Variants in GUCY1A2 observed in about 807,000 individuals in gnomAD.
The protein encoded by GUCY1A2 is guanylate cyclase soluble subunit alpha-2.
Under a neutral mutation model 63.5 loss-of-function variants are expected in GUCY1A2, and 27 were observed. The observed-to-expected ratio is 0.43, with a 90% CI of 0.31 to 0.59. The LOEUF is 0.59. Ranked by LOEUF, GUCY1A2 falls within the 20% of genes least tolerant of loss-of-function variation. GUCY1A2 has a pLI of 0.11. For synonymous variants in GUCY1A2, 364 were observed against 343.5 expected (o/e 1.06, Z -0.66); for missense variants, 768 against 913.3 (o/e 0.84, Z 2.05).
intron 4 of GUCY1A2, among the ~76,000 whole-genome samples, chr11:106,825,544 G>GT (rs1858958159): frequency 6.6e-6 from 1 of 150,664 alleles, no homozygotes; most frequent in Non-Finnish European, 1.5e-5. Flanking sequence ...ATTGTCTTAA[G>GT]TTTTTTATGC....
chr11:106,762,387 C>G (rs1864080950), intron 6 of GUCY1A2, among the ~76,000 whole-genome samples: 1 of 152,078 alleles, frequency 6.6e-6, no homozygotes, highest in African/African-American at 2.4e-5. Context: ...CTACTTTCTC[C>G]TACCAGTTGG....
At chr11:106,804,355 A>G (rs1447168976) in intron 5 of GUCY1A2, among the ~76,000 whole-genome samples, 3 of 152,214 alleles carry the variant, frequency 2.0e-5, no homozygotes, top group Non-Finnish European at 2.9e-5. Flanking sequence ...AAGAGAAAAT[A>G]TGTAAATCTT....
chr11:106,782,398 TTCTC>T (rs1383278953), intron 5 of GUCY1A2, among the ~76,000 whole-genome samples: 1 of 152,208 alleles, frequency 6.6e-6, no homozygotes, highest in Non-Finnish European at 1.5e-5. Context: ...ATGCTTTCTT[TTCTC>T]TCTTAGTATC....
intron 2 of GUCY1A2, among the ~76,000 whole-genome samples, chr11:106,985,274 T>C (rs1046916677): frequency 6.6e-6 from 1 of 152,230 alleles, no homozygotes; most frequent in African/African-American, 2.4e-5. Context: ...AATTAAAATA[T>C]ATACATTGCC....
chr11:106,833,652 C>T (rs182426222), intron 4 of GUCY1A2, among the ~76,000 whole-genome samples: 2 of 152,180 alleles, frequency 1.3e-5, no homozygotes, highest in Admixed American at 1.3e-4. Flanking sequence ...CCATGTGGAA[C>T]AGTACACGCC....
intron 6 of GUCY1A2, among the ~76,000 whole-genome samples, chr11:106,748,467 G>A (rs1433642696): frequency 6.6e-6 from 1 of 152,122 alleles, no homozygotes; most frequent in Non-Finnish European, 1.5e-5. Flanking sequence ...CAGCAGCTGA[G>A]GTAAAAGAAG....
At chr11:106,699,289 T>C (rs1483500233) in intron 7 of GUCY1A2, among the ~76,000 whole-genome samples, 1 of 152,092 alleles carries the variant, frequency 6.6e-6, no homozygotes, top group Non-Finnish European at 1.5e-5. Context: ...GAAAGGAAAA[T>C]GTAAGGAGTG....
chr11:106,906,067 G>A (rs987545042), intron 4 of GUCY1A2, among the ~76,000 whole-genome samples: 4 of 152,002 alleles, frequency 2.6e-5, no homozygotes, highest in Admixed American at 6.6e-5. Context: ...CAAAAGCAAT[G>A]GCAACAAAAG....
chr11:106,838,634 A>C (rs1859149596), intron 4 of GUCY1A2, among the ~76,000 whole-genome samples: 1 of 151,840 alleles, frequency 6.6e-6, no homozygotes. Flanking sequence ...TACTATATAC[A>C]AATTTTCTGG....
At chr11:106,933,230 A>T (rs1184388141) in intron 4 of GUCY1A2, among the ~76,000 whole-genome samples, 1 of 152,238 alleles carries the variant, frequency 6.6e-6, no homozygotes, top group Non-Finnish European at 1.5e-5. Flanking sequence ...TCTAATAACC[A>T]AAATCTATAA....
chr11:106,998,616 C>G (rs1861571551), intron 1 of GUCY1A2, among the ~76,000 whole-genome samples: 1 of 152,100 alleles, frequency 6.6e-6, no homozygotes, highest in Non-Finnish European at 1.5e-5. Flanking sequence ...ACTGGAATTT[C>G]CAAGGCAAAC....
chr11:106,980,693 C>T (rs1239844380), intron 2 of GUCY1A2, among the ~76,000 whole-genome samples: 2 of 152,100 alleles, frequency 1.3e-5, no homozygotes, highest in Non-Finnish European at 2.9e-5. Context: ...AAGCTAATAT[C>T]GAAGGGGATG....
chr11:106,852,142 T>C (rs1859364519), intron 4 of GUCY1A2, among the ~76,000 whole-genome samples: 1 of 152,020 alleles, frequency 6.6e-6, no homozygotes, highest in African/African-American at 2.4e-5. Flanking sequence ...CTTTTTCAGC[T>C]AGTTCATTAT....
intron 4 of GUCY1A2, among the ~76,000 whole-genome samples, chr11:106,835,722 T>C (rs1859107898): frequency 6.6e-6 from 1 of 151,868 alleles, no homozygotes; most frequent in African/African-American, 2.4e-5. Context: ...CACAATGGAA[T>C]AATATTTTCA....
chr11:106,813,701 A>C (rs1858794167), intron 4 of GUCY1A2, among the ~76,000 whole-genome samples: 1 of 152,040 alleles, frequency 6.6e-6, no homozygotes, highest in African/African-American at 2.4e-5. Context: ...CCTGAAAATT[A>C]AGTGGGAAAA....
chr11:106,798,544 C>T (rs910707578), intron 5 of GUCY1A2, among the ~76,000 whole-genome samples: 1 of 152,168 alleles, frequency 6.6e-6, no homozygotes, highest in African/African-American at 2.4e-5. Context: ...AATCCAGCAG[C>T]ACATCAAAAA....
intron 5 of GUCY1A2, among the ~76,000 whole-genome samples, chr11:106,809,013 T>C (rs1445434012): frequency 1.3e-5 from 2 of 152,146 alleles, no homozygotes; most frequent in African/African-American, 4.8e-5. Context: ...ATTGGCTACA[T>C]AGTCTACATA....
At chr11:106,702,227 T>C (rs1034166831) in intron 7 of GUCY1A2, among the ~76,000 whole-genome samples, 1 of 152,176 alleles carries the variant, frequency 6.6e-6, no homozygotes, top group African/African-American at 2.4e-5. Flanking sequence ...GATGAGATAT[T>C]GGAGCTAAAA....
intron 3 of GUCY1A2, among the ~76,000 whole-genome samples, chr11:106,971,751 G>A (rs996696550): frequency 3.3e-5 from 5 of 152,118 alleles, no homozygotes; most frequent in South Asian, 2.1e-4. Flanking sequence ...CTGAGAGGGC[G>A]TAGAAGCAAA....
Sources: allele counts gnomAD v4.1 joint callset (sites outside exome capture counted in the v4.1 genomes callset), GRCh38; gene constraint gnomAD v4.1.1; transcripts MANE v1.5; gene names NCBI Gene and HGNC (gene_info 2026-07-23, HGNC 2026-07-21).